Variants in BMAL2 observed in about 807,000 individuals in gnomAD.
The protein encoded by BMAL2 is basic helix-loop-helix ARNT-like protein 2.
chr12:27,387,209 CT>C, the BMAL2 span: 440 of 1,513,856 alleles, frequency 2.9e-4, no homozygotes, highest in Non-Finnish European at 3.4e-4. Context: ...AAAATATTCA[CT>C]TTTTTTTTAA....
chr12:27,335,784 G>A, the BMAL2 span, among the ~76,000 whole-genome samples: 1 of 151,934 alleles, frequency 6.6e-6, no homozygotes, highest in Non-Finnish European at 1.5e-5. Context: ...AGAGGGGAAA[G>A]GAGGAGGAAG....
chr12:27,417,729 C>A, the BMAL2 span, among the ~76,000 whole-genome samples: 27 of 152,156 alleles, frequency 1.8e-4, no homozygotes, highest in Admixed American at 3.3e-4. Flanking sequence ...CGCAGTGGCT[C>A]ACACCTGTAA....
At chr12:27,336,259 T>C in the BMAL2 span, among the ~76,000 whole-genome samples, 1 of 152,146 alleles carries the variant, frequency 6.6e-6, no homozygotes, top group Non-Finnish European at 1.5e-5. Context: ...GACATCCGCC[T>C]GTTCTGTGAG....
chr12:27,398,484 A>G, the BMAL2 span, among the ~76,000 whole-genome samples: 2 of 152,044 alleles, frequency 1.3e-5, no homozygotes, highest in Non-Finnish European at 2.9e-5. Flanking sequence ...CCCACTTCCC[A>G]TTTGCCCTGA....
At chr12:27,352,313 G>A in the BMAL2 span, among the ~76,000 whole-genome samples, 1 of 152,204 alleles carries the variant, frequency 6.6e-6, no homozygotes, top group Non-Finnish European at 1.5e-5. Flanking sequence ...TTTGAGTACT[G>A]GCATGACACC....
At chr12:27,386,314 C>T in the BMAL2 span, among the ~76,000 whole-genome samples, 3 of 152,144 alleles carry the variant, frequency 2.0e-5, no homozygotes, top group East Asian at 1.9e-4. Context: ...GCTCGTCAGT[C>T]GTACCTTCAT....
At chr12:27,387,839 G>C in the BMAL2 span, among the ~76,000 whole-genome samples, 1 of 152,122 alleles carries the variant, frequency 6.6e-6, no homozygotes, top group Non-Finnish European at 1.5e-5. Flanking sequence ...TTATAGCATT[G>C]AAACTAACCC....
the BMAL2 span, among the ~76,000 whole-genome samples, chr12:27,378,663 G>A: frequency 1.3e-5 from 2 of 152,176 alleles, no homozygotes; most frequent in Admixed American, 6.5e-5. Flanking sequence ...GTCCTCTTGG[G>A]CAGTGGAAAT....
chr12:27,368,473 A>G, the BMAL2 span: 2 of 1,554,116 alleles, frequency 1.3e-6, no homozygotes, highest in Admixed American at 1.7e-5. Flanking sequence ...AGAGGAAAAT[A>G]TTCCTTTTAA....
chr12:27,352,951 A>G, the BMAL2 span, among the ~76,000 whole-genome samples: 1 of 152,352 alleles, frequency 6.6e-6, no homozygotes, highest in East Asian at 1.9e-4. Flanking sequence ...ATGGAAAAAC[A>G]TTCCATGCTC....
At chr12:27,389,972 C>T in the BMAL2 span, 5 of 1,136,754 alleles carry the variant, frequency 4.4e-6, no homozygotes, top group Middle Eastern at 2.0e-4. Context: ...ACAATCATGC[C>T]ATTGCTTTAA....
the BMAL2 span, chr12:27,368,489 T>A: frequency 6.6e-7 from 1 of 1,511,282 alleles, no homozygotes; most frequent in Non-Finnish European, 9.1e-7. Context: ...TTTAAAATCA[T>A]TAATTATTTC....
the BMAL2 span, chr12:27,400,619 C>T: frequency 1.2e-6 from 2 of 1,613,780 alleles, no homozygotes; most frequent in South Asian, 1.1e-5. Context: ...AAGAAAGGAA[C>T]AGTAAGAAAG....
At chr12:27,405,409 G>A in the BMAL2 span, among the ~76,000 whole-genome samples, 1 of 152,338 alleles carries the variant, frequency 6.6e-6, no homozygotes, top group Admixed American at 6.5e-5. Context: ...ACTTCCAGAG[G>A]AACGATCAGG....
At chr12:27,351,039 A>G in the BMAL2 span, among the ~76,000 whole-genome samples, 322 of 126,038 alleles carry the variant, frequency 2.6e-3, 7 homozygotes, top group East Asian at 0.077. Context: ...TCCAGGCTGC[A>G]GTGCAGTGGC....
At chr12:27,385,491 T>G in the BMAL2 span, 2 of 1,606,278 alleles carry the variant, frequency 1.2e-6, no homozygotes, top group South Asian at 2.2e-5. Context: ...GCTTGACAAA[T>G]TCTTATGTGG....
At chr12:27,374,952 C>T in the BMAL2 span, among the ~76,000 whole-genome samples, 1,286 of 152,278 alleles carry the variant, frequency 8.4e-3, 14 homozygotes, top group African/African-American at 0.029. Context: ...AAAAGCACCA[C>T]TTGATTAAGC....
At chr12:27,352,994 C>CT in the BMAL2 span, among the ~76,000 whole-genome samples, 1 of 151,874 alleles carries the variant, frequency 6.6e-6, no homozygotes, top group Admixed American at 6.6e-5. Context: ...GTTAAAATGG[C>CT]TATACTGCCC....
the BMAL2 span, among the ~76,000 whole-genome samples, chr12:27,344,846 C>T: frequency 7.2e-5 from 11 of 152,162 alleles, no homozygotes; most frequent in Admixed American, 1.3e-4. Flanking sequence ...ACACCATAGA[C>T]CTGTGAGGAT....
Sources: allele counts gnomAD v4.1 joint callset (sites outside exome capture counted in the v4.1 genomes callset), GRCh38; gene constraint gnomAD v4.1.1; transcripts MANE v1.5; gene names NCBI Gene and HGNC (gene_info 2026-07-23, HGNC 2026-07-21).